OTOG: variants seen among roughly 807,000 people sequenced by gnomAD.
OTOG encodes otogelin.
OTOG carries 296 observed loss-of-function variants against 313.8 expected under a neutral mutation model. That is an observed-to-expected ratio of 0.94 (90% CI 0.86 to 1.04). The LOEUF (loss-of-function observed/expected upper bound fraction) is 1.04. OTOG is among the 50% of genes least tolerant of loss of function. The probability of loss-of-function intolerance (pLI) is 0.00; values close to 1 mark genes in which losing one functional copy is unlikely to be tolerated. For missense variants in OTOG, 3,948 were observed against 3,840.1 expected (o/e 1.03, Z -0.74); for synonymous variants, 1,533 against 1,554.9 (o/e 0.99, Z 0.33).
At chr11:17,574,459 G>A (rs762869414) in intron 19 of OTOG, among the ~76,000 whole-genome samples, 1 of 152,164 alleles carries the variant, frequency 6.6e-6, no homozygotes, top group Non-Finnish European at 1.5e-5. Flanking sequence ...TTGGAGGAAA[G>A]GACCTGCCAG....
chr11:17,613,195 T>TTTTCTTCC (rs1853616351), intron 38 of OTOG, among the ~76,000 whole-genome samples: 1 of 65,328 alleles, frequency 1.5e-5, no homozygotes, highest in African/African-American at 7.6e-5. Context: ...TCTTTCTTTC[T>TTTTCTTCC]TTTCTTTCTT....
At chr11:17,602,459 T>C in intron 32 of OTOG, 82 bp downstream of exon 32, 1 of 1,429,304 alleles carries the variant, frequency 7.0e-7, no homozygotes, top group Middle Eastern at 2.3e-4. Context: ...AGGCCCTAAG[T>C]ATCTGTAGTG....
At chr11:17,565,738 G>A (rs955546464) in intron 15 of OTOG, among the ~76,000 whole-genome samples, 1 of 152,060 alleles carries the variant, frequency 6.6e-6, no homozygotes, top group Non-Finnish European at 1.5e-5. Flanking sequence ...TACTTGAATT[G>A]TTCCAGCTTT....
In OTOG at chr11:17,605,432, C is replaced by T. The variant is rs116976031; in HGVS notation, c.3878-425C>T. The stretch of plus-strand genomic sequence containing the variant: ...AGCTTGGCAAATCACCAACCTTCAG[C>T]GTGCCCCACATGTCTAATGCAATGC... On this transcript the variant is annotated intron_variant, in intron 32 of 55. Transcript: ENST00000399397. 5.3e-3 allele frequency among the ~76,000 whole-genome samples: 807 copies of T among 152,288 alleles called. 6 individuals are homozygous for T. Among genetic ancestry groups the T allele is most frequent in the Admixed American group, 8.6e-3 (132 of 15,306 alleles).
chr11:17,638,716 G>C, intron 48 of OTOG, 167 bp downstream of exon 48: 2 of 1,540,174 alleles, frequency 1.3e-6, no homozygotes, highest in Non-Finnish European at 1.8e-6. Context: ...CGCACTCCAA[G>C]TGCTGAGCAT....
rs1290666415 is a variant in OTOG, at chr11:17,559,632, G to A, written c.1312G>A (p.Ala438Thr). ...GGCATCCTGTGTGGACAGTGAGATC[G>A]CCTGTGTGGACGGCTGCTATTGCCC... is the stretch of plus-strand genomic sequence containing the variant. ...PRASCVDSEI[A>T]CVDGCYCPNG... is the part of the protein sequence containing the mutation. The change falls in exon 12 of 56, where the codon GCC becomes ACC. Residue 438 changes from alanine (A) to threonine (T), a missense_variant. Coordinates refer to ENST00000399397, the MANE Select transcript of OTOG (RefSeq NM_001292063.2). 34 of 1,550,868 alleles carry A rather than the reference G, an allele frequency of 2.2e-5. No individual in the cohort carries two copies. Among genetic ancestry groups the A allele is most frequent in the Non-Finnish European group, 2.6e-5 (30 of 1,147,062 alleles).
rs761369572 is a variant in OTOG at position 17,640,922 on chromosome 11, C to T, written c.8021C>T (p.Pro2674Leu). 46 of 1,548,146 alleles carry T rather than the reference C, an allele frequency of 3.0e-5. No individual in the cohort carries two copies. In the African/African-American group the frequency reaches 3.0e-4, roughly 10 times the overall value. Reference sequence around the variant, plus strand: ...CTGCATGCCCATCCAGTGAAGGCCCCGGTGTGTCTGAGCCGCGAGCTGGGT... The same window carrying T: ...CTGCATGCCCATCCAGTGAAGGCCCTGGTGTGTCTGAGCCGCGAGCTGGGT... The part of the protein sequence containing the change: ...GCAKYECVKA[P>L]VCLSRELGVM... The change falls in exon 51 of 56, where the codon CCG becomes CTG. Residue 2674 changes from proline (P) to leucine (L), a missense_variant. Physicochemically the swap from Pro to Leu is moderately conservative, Grantham distance 98. Transcript: ENST00000399397.
chr11:17,604,559 C>A (rs1253431328), intron 32 of OTOG, among the ~76,000 whole-genome samples: 1 of 152,242 alleles, frequency 6.6e-6, no homozygotes, highest in Non-Finnish European at 1.5e-5. Flanking sequence ...CTCTGGGCCT[C>A]TCTTCCCTCC....
At chr11:17,555,275 G>A (rs1565089329) in intron 6 of OTOG, among the ~76,000 whole-genome samples, 1 of 152,006 alleles carries the variant, frequency 6.6e-6, no homozygotes, top group Non-Finnish European at 1.5e-5. Context: ...ATGGGTGTAG[G>A]GGAAAGTTAC....
intron 39 of OTOG, among the ~76,000 whole-genome samples, chr11:17,624,157 A>G (rs150316049): frequency 0.015 from 2,338 of 152,256 alleles, 65 homozygotes; most frequent in African/African-American, 0.054. Flanking sequence ...CTTTAGTTTA[A>G]TTAGATCCCA....
chr11:17,636,341 C>T (rs10832820), intron 47 of OTOG, among the ~76,000 whole-genome samples: 20,595 of 152,080 alleles, frequency 0.14, 1,499 homozygotes, highest in East Asian at 0.24. Flanking sequence ...GCCAGCATTA[C>T]GGATTGTAAG....
At chr11:17,596,187 T>G (rs1590029146) in intron 29 of OTOG, 33 bp downstream of exon 29, 2 of 1,453,088 alleles carry the variant, frequency 1.4e-6, no homozygotes, top group Non-Finnish European at 1.9e-6. Context: ...TCCTCCCGAG[T>G]GCCCCCTCCA....
At chr11:17,577,217 C>A (rs1463484434) in intron 22 of OTOG, among the ~76,000 whole-genome samples, 1 of 152,234 alleles carries the variant, frequency 6.6e-6, no homozygotes, top group Non-Finnish European at 1.5e-5. Context: ...TTCCTGACTT[C>A]CTTTGGGTCC....
intron 39 of OTOG, among the ~76,000 whole-genome samples, chr11:17,620,633 C>A (rs1853841419): frequency 6.6e-6 from 1 of 151,956 alleles, no homozygotes; most frequent in Non-Finnish European, 1.5e-5. Flanking sequence ...TAGTTTTTTT[C>A]TACCCCTTTT....
At chr11:17,563,867 T>G (rs1313392634) in intron 15 of OTOG, among the ~76,000 whole-genome samples, 2 of 149,274 alleles carry the variant, frequency 1.3e-5, no homozygotes, top group African/African-American at 2.5e-5. Context: ...TTTTTTTTTT[T>G]TTTTTTTTTT....
Position 17,613,733 on chromosome 11 carries a change from A to G in OTOG, c.6528+32A>G, listed in dbSNP as rs1343671476. On this transcript the variant is annotated intron_variant, in intron 39 of 55. Transcript: ENST00000399397. ...GCATCAAACAGCCAGCCTCCAGGGC[A>G]GGGCCACAGTCAGCTGAGGGACAGG... 4.8e-6 allele frequency: 7 copies of G among 1,471,080 alleles called. No homozygotes were observed. The African/African-American group carries it at 7.1e-5, about 15-fold the overall frequency. 91.1% of individuals were successfully genotyped at this position (1,471,080 alleles called of 1,614,324 possible). A position where few individuals can be genotyped will look rare whatever the true frequency, so the allele number is the denominator to read the frequency against.
chr11:17,560,844 G>T (rs563158742), intron 13 of OTOG, 27 bp downstream of exon 13: 1 of 1,526,002 alleles, frequency 6.6e-7, no homozygotes, highest in South Asian at 1.2e-5. Flanking sequence ...GGGAAGCAGG[G>T]TGTGGGGCAT....
intron 23 of OTOG, among the ~76,000 whole-genome samples, chr11:17,586,123 A>G (rs1852788541): frequency 6.6e-6 from 1 of 152,182 alleles, no homozygotes; most frequent in South Asian, 2.1e-4. Flanking sequence ...CAACCTGGGT[A>G]GGAGGGTCAT....
intron 11 of OTOG, 81 bp downstream of exon 11, chr11:17,559,242 TG>T: frequency 9.0e-7 from 1 of 1,111,900 alleles, no homozygotes; most frequent in Non-Finnish European, 1.3e-6. Flanking sequence ...TGTCTTGTCC[TG>T]CTCAGAATCA....
Sources: allele counts gnomAD v4.1 joint callset (sites outside exome capture counted in the v4.1 genomes callset), GRCh38; gene constraint gnomAD v4.1.1; transcripts MANE v1.5; gene names NCBI Gene and HGNC (gene_info 2026-07-23, HGNC 2026-07-21).